Variants in ZNF385D observed in about 807,000 individuals in gnomAD.
The protein encoded by ZNF385D is zinc finger protein 659.
Under a neutral mutation model 35.8 loss-of-function variants are expected in ZNF385D, and 15 were observed. The ratio of observed to expected loss-of-function variants is 0.42; its 90% CI spans 0.28 to 0.64. ZNF385D has a LOEUF of 0.64. Among genes scored for constraint, ZNF385D ranks in the 30% least tolerant of loss-of-function variants. The probability of loss-of-function intolerance (pLI) is 0.23; values close to 1 mark genes in which losing one functional copy is unlikely to be tolerated. For synonymous variants in ZNF385D, 212 were observed against 186.8 expected (o/e 1.13, Z -1.10); for missense variants, 474 against 494.6 (o/e 0.96, Z 0.39).
intron 2 of ZNF385D, among the ~76,000 whole-genome samples, chr3:22,197,679 G>T (rs1216402930): frequency 6.6e-6 from 1 of 152,074 alleles, no homozygotes; most frequent in Non-Finnish European, 1.5e-5. Flanking sequence ...CACTCCTGTT[G>T]TATGAGTCAG....
Position 22,325,532 on chromosome 3 carries a change from G to A in ZNF385D, c.106+46918C>T, listed in dbSNP as rs531298599. ...TAGTCCCAGCACCTTGGGACGCTGA[G>A]GTGGGCTGATCATTTGAGGCCAGGA... On this transcript the variant is annotated intron_variant, in intron 2 of 5. Transcript: ENST00000494108. Among the ~76,000 whole-genome samples, 8 of 152,300 alleles carry A rather than the reference G, an allele frequency of 5.3e-5. No individual in the cohort carries two copies. In the East Asian group the frequency reaches 1.5e-3, roughly 29 times the overall value.
At chr3:21,448,150 T>G (rs1021217724) in intron 4 of ZNF385D, among the ~76,000 whole-genome samples, 1 of 152,114 alleles carries the variant, frequency 6.6e-6, no homozygotes, top group Non-Finnish European at 1.5e-5. Context: ...ACATCTAGAT[T>G]AAAGGATTTT....
chr3:21,585,732 C>G (rs2063790828), intron 2 of ZNF385D, among the ~76,000 whole-genome samples: 1 of 152,168 alleles, frequency 6.6e-6, no homozygotes, highest in South Asian at 2.1e-4. Context: ...GCATAACACG[C>G]CTTGGCAAAA....
intron 1 of ZNF385D, among the ~76,000 whole-genome samples, chr3:21,728,677 G>C (rs1445584214): frequency 6.6e-6 from 1 of 152,138 alleles, no homozygotes; most frequent in South Asian, 2.1e-4. Flanking sequence ...AGGTGAGAAA[G>C]TGTGGTCAGG....
intron 3 of ZNF385D, among the ~76,000 whole-genome samples, chr3:21,780,068 G>C (rs2071432055): frequency 6.6e-6 from 1 of 151,874 alleles, no homozygotes; most frequent in South Asian, 2.1e-4. Context: ...TAGCAAATTA[G>C]TGAATAGTCC....
intron 3 of ZNF385D, among the ~76,000 whole-genome samples, chr3:22,017,618 T>C (rs1190413447): frequency 6.6e-6 from 1 of 151,978 alleles, no homozygotes; most frequent in Non-Finnish European, 1.5e-5. Flanking sequence ...CATTTTTTCC[T>C]TACTGGGTTT....
chr3:21,901,809 A>G (rs1699427381), intron 3 of ZNF385D, among the ~76,000 whole-genome samples: 1 of 152,226 alleles, frequency 6.6e-6, no homozygotes, highest in South Asian at 2.1e-4. Context: ...ACCCAGACTA[A>G]CAGGTTATTT....
At chr3:21,680,596 T>C (rs1206471503) in intron 1 of ZNF385D, among the ~76,000 whole-genome samples, 1 of 147,866 alleles carries the variant, frequency 6.8e-6, no homozygotes, top group East Asian at 1.9e-4. Flanking sequence ...TGACTGATGC[T>C]TTTTTATCAA....
At chr3:21,636,374 ATGAT>A (rs1337564516) in intron 2 of ZNF385D, among the ~76,000 whole-genome samples, 80 of 91,324 alleles carry the variant, frequency 8.8e-4, no homozygotes, top group South Asian at 2.5e-3. Flanking sequence ...TTATATATAT[ATGAT>A]TATATATATA....
intron 2 of ZNF385D, among the ~76,000 whole-genome samples, chr3:21,654,056 A>C (rs116412987): frequency 1.3e-5 from 2 of 151,978 alleles, no homozygotes; most frequent in African/African-American, 2.4e-5. Context: ...AAATGCCCCA[A>C]TCTATTGTAC....
At chr3:21,913,395 C>A (rs571877463) in intron 3 of ZNF385D, among the ~76,000 whole-genome samples, 1 of 152,192 alleles carries the variant, frequency 6.6e-6, no homozygotes, top group Admixed American at 6.5e-5. Context: ...ATTTCCCCAA[C>A]CTGATGTTAG....
intron 3 of ZNF385D, among the ~76,000 whole-genome samples, chr3:21,824,871 A>G (rs536739185): frequency 6.6e-6 from 1 of 152,350 alleles, no homozygotes; most frequent in African/African-American, 2.4e-5. Context: ...GTGGAGAAAT[A>G]TTGAATTGCT....
At position 21,498,762 on chromosome 3, in the gene ZNF385D, T is replaced by C. The variant is rs1307613969; in HGVS notation, c.439+12099A>G. Among the ~76,000 whole-genome samples, 4 of 151,820 alleles carry C rather than the reference T, an allele frequency of 2.6e-5. No individual in the cohort carries two copies. In the East Asian group the frequency reaches 5.8e-4, roughly 22 times the overall value. On this transcript the variant is annotated intron_variant, in intron 4 of 7. Transcript: ENST00000281523. The stretch of plus-strand genomic sequence containing the variant: ...ATCGAGACCATCCTAGCCATCATGG[T>C]GAAACCCCGTCTCTACTAAAAATAC...
At chr3:21,550,646 C>G (rs2125595645) in intron 3 of ZNF385D, among the ~76,000 whole-genome samples, 1 of 152,214 alleles carries the variant, frequency 6.6e-6, no homozygotes, top group Non-Finnish European at 1.5e-5. Context: ...CCATGCCCAA[C>G]TAATTTTTGC....
chr3:21,768,283 A>T (rs1211019514), intron 3 of ZNF385D, among the ~76,000 whole-genome samples: 1 of 152,138 alleles, frequency 6.6e-6, no homozygotes, highest in Non-Finnish European at 1.5e-5. Context: ...ATTATTAATC[A>T]TACCTTAACA....
intron 3 of ZNF385D, among the ~76,000 whole-genome samples, chr3:21,945,121 C>T (rs931650520): frequency 5.4e-5 from 6 of 111,212 alleles, no homozygotes; most frequent in Admixed American, 1.1e-4. Context: ...CATGTATATA[C>T]GTGTGTGTAT....
At chr3:22,359,705 A>G (rs1696326878) in intron 2 of ZNF385D, among the ~76,000 whole-genome samples, 3 of 151,902 alleles carry the variant, frequency 2.0e-5, no homozygotes. Flanking sequence ...GGGTAAAATG[A>G]TGAATTCAGT....
At chr3:22,069,566 T>C (rs1035083369) in intron 3 of ZNF385D, among the ~76,000 whole-genome samples, 1 of 152,198 alleles carries the variant, frequency 6.6e-6, no homozygotes, top group Non-Finnish European at 1.5e-5. Context: ...AGCAAAAGGA[T>C]GGCATAAGTA....
intron 2 of ZNF385D, among the ~76,000 whole-genome samples, chr3:22,272,999 T>G (rs1398147855): frequency 6.6e-6 from 1 of 151,940 alleles, no homozygotes; most frequent in Admixed American, 6.6e-5. Context: ...CCTAGATATA[T>G]AGCATGCTTT....
Sources: gnomAD v4.1 joint callset for allele counts (sites outside exome capture counted in the v4.1 genomes callset) on GRCh38, gnomAD v4.1.1 for gene constraint, MANE v1.5 for transcripts, NCBI Gene and HGNC (gene_info 2026-07-23, HGNC 2026-07-21) for gene names.